Variants in DCX observed in about 807,000 individuals in gnomAD.
The protein encoded by DCX is neuronal migration protein doublecortin.
DCX carries 4 observed loss-of-function variants against 20.9 expected under a neutral mutation model. The ratio of observed to expected loss-of-function variants is 0.19; its 90% CI spans 0.09 to 0.44. DCX has a LOEUF of 0.44. Ranked by LOEUF, DCX falls within the 20% of genes least tolerant of loss-of-function variation. The pLI is 0.99. For synonymous variants in DCX, 103 were observed against 111.4 expected (o/e 0.92, Z 0.47); for missense variants, 133 against 296.9 (o/e 0.45, Z 4.06).
At chrX:111,306,030 G>C (rs1032439451) in intron 6 of DCX, among the ~76,000 whole-genome samples, 1 of 111,217 alleles carries the variant, frequency 9.0e-6, no homozygotes, top group African/African-American at 3.3e-5. Context: ...AACGAAAAAT[G>C]ATATAACATA....
At chrX:111,330,384 G>A (rs1390418191) in intron 5 of DCX, among the ~76,000 whole-genome samples, 5 of 111,617 alleles carry the variant, frequency 4.5e-5, no homozygotes, top group Non-Finnish European at 7.5e-5. Flanking sequence ...TTTACTTTCC[G>A]GTTGTGAGGT....
At chrX:111,404,027 C>T (rs1298205225) in intron 2 of DCX, among the ~76,000 whole-genome samples, 9 of 91,602 alleles carry the variant, frequency 9.8e-5, no homozygotes, top group East Asian at 3.3e-4. Context: ...CCCTGGGTGA[C>T]GGAGAGAGTG....
At chrX:111,322,152 T>C (rs1258990329) in intron 5 of DCX, among the ~76,000 whole-genome samples, 1 of 112,128 alleles carries the variant, frequency 8.9e-6, no homozygotes, top group Non-Finnish European at 1.9e-5. Context: ...CATTTTACCA[T>C]ACATGAACTC....
chrX:111,380,235 C>A (rs1169806601), intron 3 of DCX, among the ~76,000 whole-genome samples: 2 of 111,512 alleles, frequency 1.8e-5, no homozygotes, highest in Non-Finnish European at 3.8e-5. Flanking sequence ...TTTTTGGTAT[C>A]ATATCTAAGA....
chrX:111,332,772 C>T (rs907068754), intron 4 of DCX, among the ~76,000 whole-genome samples: 1 of 111,834 alleles, frequency 8.9e-6, no homozygotes, highest in African/African-American at 3.2e-5. Flanking sequence ...TGCCTGTTAT[C>T]CCATGTGACA....
intron 2 of DCX, among the ~76,000 whole-genome samples, chrX:111,408,651 AAAG>A (rs1928427022): frequency 1.9e-5 from 2 of 104,360 alleles, no homozygotes; most frequent in Non-Finnish European, 3.9e-5. Context: ...AGAAAGAAAG[AAAG>A]AAAGAAAGAA....
chrX:111,305,335 T>A (rs1433174613), intron 6 of DCX, among the ~76,000 whole-genome samples: 1 of 112,282 alleles, frequency 8.9e-6, no homozygotes, highest in Non-Finnish European at 1.9e-5. Context: ...TTTTACTGTG[T>A]ATATTTGAAG....
At position 111,301,219 on chromosome X, in the gene DCX, T is replaced by C; in HGVS notation, c.*468A>G. 1 of 141,890 alleles carries C rather than the reference T, an allele frequency of 7.0e-6. No homozygotes were observed. The highest frequency in any genetic ancestry group is 3.1e-5 in the African/African-American group (1 of 32,249). The allele number at this position is 141,890 out of a possible 1,213,427, so 11.7% of individuals were successfully genotyped here. A position where few individuals can be genotyped will look rare whatever the true frequency, so the allele number is the denominator to read the frequency against. ...GAGCTGCCTTGCTGTCCTTCCAGGG[T>C]CCTCCACCATTCTTGAGATCCAGAG... On this transcript the variant is annotated 3_prime_UTR_variant, in exon 7 of 7. Coordinates refer to ENST00000636035, the MANE Select transcript of DCX (RefSeq NM_001195553.2).
At position 111,319,104 on chromosome X, in the gene DCX, C is replaced by A. The variant is rs747126864; in HGVS notation, c.947-6368G>T. Among the ~76,000 whole-genome samples the A allele has an allele frequency of 5.4e-5, 6 of 112,058 alleles. No homozygotes were observed. The South Asian group carries it at 2.2e-3, about 42-fold the overall frequency. On this transcript the variant is annotated intron_variant, in intron 5 of 6. Coordinates refer to ENST00000636035, the MANE Select transcript of DCX (RefSeq NM_001195553.2). ...GCTGGAGACAGAGGATAAGGGTCAG[C>A]CCCTGGGGGCCTTTTTGTGTAGCCT...
chrX:111,397,609 C>T (rs1369432847), intron 3 of DCX, among the ~76,000 whole-genome samples: 1 of 111,597 alleles, frequency 9.0e-6, no homozygotes, highest in Admixed American at 9.5e-5. Context: ...CCATGTACCC[C>T]CAAATTTTAT....
At chrX:111,338,139 G>A (rs1472452690) in intron 3 of DCX, among the ~76,000 whole-genome samples, 2 of 112,183 alleles carry the variant, frequency 1.8e-5, no homozygotes, top group Non-Finnish European at 3.8e-5. Context: ...GTTGCATCCT[G>A]TTGACTACAG....
intron 3 of DCX, among the ~76,000 whole-genome samples, chrX:111,349,200 G>T (rs1360796478): frequency 9.0e-6 from 1 of 111,542 alleles, no homozygotes; most frequent in East Asian, 2.8e-4. Context: ...TGATTTCTGA[G>T]GTCTCTTCTA....
At chrX:111,309,910 T>C (rs1262832814) in intron 6 of DCX, among the ~76,000 whole-genome samples, 1 of 112,262 alleles carries the variant, frequency 8.9e-6, no homozygotes, top group African/African-American at 3.2e-5. Flanking sequence ...GTGCCAGTGT[T>C]AAATTTCCTA....
chrX:111,408,392 G>T (rs781456299), intron 2 of DCX, among the ~76,000 whole-genome samples: 1 of 110,707 alleles, frequency 9.0e-6, no homozygotes, highest in African/African-American at 3.3e-5. Context: ...GGAGGCCAAG[G>T]CGGGTGGATC....
At chrX:111,317,310 A>G (rs2095074790) in intron 5 of DCX, among the ~76,000 whole-genome samples, 2 of 111,705 alleles carry the variant, frequency 1.8e-5, no homozygotes, top group African/African-American at 6.5e-5. Flanking sequence ...AAGTTGACAA[A>G]ACTAAGCAAT....
intron 5 of DCX, among the ~76,000 whole-genome samples, chrX:111,327,285 T>TTTCCTA (rs1341737958): frequency 1.8e-5 from 2 of 112,134 alleles, no homozygotes; most frequent in African/African-American, 3.2e-5. Context: ...GGTACTACCA[T>TTTCCTA]GTCCTAGAAA....
intron 2 of DCX, among the ~76,000 whole-genome samples, chrX:111,402,950 T>C (rs1326473736): frequency 9.0e-6 from 1 of 110,784 alleles, no homozygotes; most frequent in Non-Finnish European, 1.9e-5. Flanking sequence ...CCTTACCCAC[T>C]TGGTGCATAC....
chrX:111,328,494 C>G (rs949053368), intron 5 of DCX, among the ~76,000 whole-genome samples: 11 of 111,619 alleles, frequency 9.9e-5, no homozygotes, highest in African/African-American at 3.6e-4. Flanking sequence ...TGGATGCAGT[C>G]TGCAAAGAGG....
At chrX:111,353,525 TAGAG>T (rs1923490407) in intron 3 of DCX, among the ~76,000 whole-genome samples, 1 of 111,761 alleles carries the variant, frequency 8.9e-6, no homozygotes, top group Non-Finnish European at 1.9e-5. Flanking sequence ...GAAAAAAAGA[TAGAG>T]AGAAATCTAC....
Sources: allele counts gnomAD v4.1 joint callset (sites outside exome capture counted in the v4.1 genomes callset), GRCh38; gene constraint gnomAD v4.1.1; transcripts MANE v1.5; gene names NCBI Gene and HGNC (gene_info 2026-07-23, HGNC 2026-07-21).